The following CACNA1A variants were observed in gnomAD, a reference collection of about 807,000 sequenced individuals.
CACNA1A encodes the protein voltage-dependent P/Q-type calcium channel subunit alpha-1A.
CACNA1A carries 57 observed loss-of-function variants against 262.4 expected under a neutral mutation model. The ratio of observed to expected loss-of-function variants is 0.22; its 90% confidence interval spans 0.18 to 0.27. CACNA1A has a LOEUF of 0.27. Among genes scored for constraint, CACNA1A ranks in the 10% least tolerant of loss-of-function variants. CACNA1A has a pLI of 1.00. For synonymous variants in CACNA1A, 1,431 were observed against 1,419.3 expected, an observed-to-expected ratio of 1.01 and a Z score of -0.18; for missense variants, 2,526 against 3,562.8, an observed-to-expected ratio of 0.71 and a Z score of 7.41.
At chr19:13,276,342 C>T (rs1290637870) in intron 23 of CACNA1A, among the ~76,000 whole-genome samples, 1 of 152,222 alleles carries the variant, frequency 6.6e-6, no homozygotes, top group African/African-American at 2.4e-5. Context: ...TCCCCGTCAT[C>T]GCCCATGGGG....
At chr19:13,230,691 C>T (rs1264133190) in intron 35 of CACNA1A, among the ~76,000 whole-genome samples, 1 of 151,964 alleles carries the variant, frequency 6.6e-6, no homozygotes, top group Admixed American at 6.6e-5. Flanking sequence ...CCTGTAATCC[C>T]AGCTACTTGG....
intron 1 of CACNA1A, among the ~76,000 whole-genome samples, chr19:13,466,501 T>C (rs1392300485): frequency 1.3e-5 from 2 of 151,910 alleles, no homozygotes; most frequent in African/African-American, 2.4e-5. Flanking sequence ...CCACCATACC[T>C]GGCTAATTTT....
Position 13,456,410 on chromosome 19 carries a change from C to T in CACNA1A, c.294-1198G>A, listed in dbSNP as rs1025292617. Among the ~76,000 whole-genome samples the T allele has an allele frequency of 6.6e-5, 10 of 152,064 alleles. No homozygotes were observed. In the East Asian group the frequency reaches 1.5e-3, roughly 23 times the overall value. ...ATTTACGGCCAGGTGTGGTGGCTCA[C>T]GCCTGTAATCCCAGAACTTTGGGAG... is the stretch of plus-strand genomic sequence containing the variant. On this transcript the variant is annotated intron_variant, in intron 1 of 46. Transcript: ENST00000360228.
intron 31 of CACNA1A, among the ~76,000 whole-genome samples, chr19:13,239,179 GC>G (rs946546694): frequency 1.1e-4 from 17 of 152,068 alleles, no homozygotes; most frequent in African/African-American, 3.4e-4. Flanking sequence ...CCACAATATA[GC>G]CCCGCCCTCC....
At chr19:13,285,516 C>T (rs2144882078) in intron 20 of CACNA1A, among the ~76,000 whole-genome samples, 1 of 152,232 alleles carries the variant, frequency 6.6e-6, no homozygotes, top group Middle Eastern at 3.4e-3. Context: ...CTGCTCTCAA[C>T]CACTCTATAG....
At chr19:13,245,356 G>T in intron 30 of CACNA1A, 91 bp from the exon 31 acceptor site, 1 of 955,438 alleles carries the variant, frequency 1.0e-6, no homozygotes, top group Non-Finnish European at 1.7e-6. Context: ...AGGCACAGTT[G>T]CCCATCAGCG....
rs2054937281 is a variant in CACNA1A at position 13,214,767 on chromosome 19, G to A, written c.5732-159C>T. 1 of 631,066 alleles carries A rather than the reference G, an allele frequency of 1.6e-6. No individual in the cohort carries two copies. Among genetic ancestry groups the A allele is most frequent in the Non-Finnish European group, 2.8e-6 (1 of 355,750 alleles). 39.1% of individuals were successfully genotyped at this position (631,066 alleles called of 1,614,324 possible). Reference sequence around the variant, plus strand: ...ACGGCCTGGCCCAGAGGAGGCCCTGGGCAGTGCTGCTGGAATGACCTTGTG... The same window carrying A: ...ACGGCCTGGCCCAGAGGAGGCCCTGAGCAGTGCTGCTGGAATGACCTTGTG... On this transcript the variant is annotated intron_variant, in intron 38 of 46. Coordinates refer to ENST00000360228, the MANE Select transcript of CACNA1A (RefSeq NM_001127222.2). This position sits in a 1 kb window ranked among gnomAD's most constrained non-coding sequence, Gnocchi z 4.1.
intron 19 of CACNA1A, among the ~76,000 whole-genome samples, chr19:13,290,443 A>G (rs528773500): frequency 4.7e-4 from 71 of 151,750 alleles, no homozygotes; most frequent in Non-Finnish European, 7.5e-4. Context: ...TTTAAGAGAC[A>G]GGGTCTTGCT....
At chr19:13,479,906 T>G (rs983487181) in intron 1 of CACNA1A, among the ~76,000 whole-genome samples, 5 of 152,264 alleles carry the variant, frequency 3.3e-5, no homozygotes, top group Admixed American at 2.6e-4. Context: ...ATGGCTTGTT[T>G]GTGTAAACAA....
intron 44 of CACNA1A, among the ~76,000 whole-genome samples, chr19:13,209,735 G>T (rs1237515985): frequency 6.6e-6 from 1 of 152,188 alleles, no homozygotes; most frequent in Non-Finnish European, 1.5e-5. Context: ...TCAGAGACAG[G>T]ACTGCTCCTT....
chr19:13,327,704 C>T (rs185985494), intron 10 of CACNA1A, among the ~76,000 whole-genome samples: 1 of 151,488 alleles, frequency 6.6e-6, no homozygotes, highest in East Asian at 2.0e-4. Context: ...TCCTGAGTAG[C>T]TGGGATTACA....
At chr19:13,325,023 G>A (rs890703693) in intron 10 of CACNA1A, among the ~76,000 whole-genome samples, 4 of 130,032 alleles carry the variant, frequency 3.1e-5, no homozygotes, top group South Asian at 5.3e-4. Flanking sequence ...CTTCTTCTTC[G>A]TCTTCTTCTT....
intron 3 of CACNA1A, among the ~76,000 whole-genome samples, chr19:13,395,662 C>T (rs1205888986): frequency 5.9e-5 from 9 of 152,126 alleles, no homozygotes; most frequent in East Asian, 1.9e-4. Context: ...GTTATTTGAC[C>T]GTAGGTTATA....
intron 5 of CACNA1A, chr19:13,363,079 G>A (rs2059139341): frequency 6.6e-6 from 1 of 152,080 alleles, no homozygotes; most frequent in South Asian, 2.1e-4. Flanking sequence ...TTTTAATCGT[G>A]AGCTAGCTTT....
chr19:13,414,150 GA>G (rs2060181349), intron 3 of CACNA1A, among the ~76,000 whole-genome samples: 1 of 151,834 alleles, frequency 6.6e-6, no homozygotes, highest in Non-Finnish European at 1.5e-5. Context: ...TTGAGCCAAG[GA>G]AAAAATTGAA....
At chr19:13,224,486 CAAAAA>C (rs71168691) in intron 38 of CACNA1A, among the ~76,000 whole-genome samples, 176 bp downstream of exon 38, 4 of 113,324 alleles carry the variant, frequency 3.5e-5, no homozygotes, top group Admixed American at 9.1e-5. Flanking sequence ...GACTCTGTCT[CAAAAA>C]AAAAAAAAAA....
chr19:13,381,081 C>T (rs1033525262), intron 3 of CACNA1A, among the ~76,000 whole-genome samples: 2 of 152,066 alleles, frequency 1.3e-5, no homozygotes, highest in African/African-American at 2.4e-5. Context: ...CAGCCTGAAG[C>T]ATTCTAAGAA....
rs2057218744 is a variant in CACNA1A, at chr19:13,278,943, T to A, written c.3823-1815A>T. 2.6e-5 allele frequency among the ~76,000 whole-genome samples: 4 copies of A among 151,630 alleles called. 1 individual carries two copies. The highest frequency in any genetic ancestry group is 2.6e-4 in the Admixed American group (4 of 15,216). The stretch of plus-strand genomic sequence containing the variant: ...GAAAGACCTGGGTGGGCAGAGGGGA[T>A]GGTGGTGGGAGAGTATTTCAGGTGC... On this transcript the variant is annotated intron_variant, in intron 22 of 46. Transcript: ENST00000360228.
At chr19:13,227,903 CTTTTTTT>C (rs34218031) in intron 36 of CACNA1A, among the ~76,000 whole-genome samples, 10 of 74,260 alleles carry the variant, frequency 1.3e-4, no homozygotes, top group Non-Finnish European at 2.0e-4. Flanking sequence ...TGTTCATTGC[CTTTTTTT>C]TTTTTTTTTT....
Sources: allele counts gnomAD v4.1 joint callset (sites outside exome capture counted in the v4.1 genomes callset), GRCh38; gene constraint gnomAD v4.1.1; non-coding constraint Gnocchi (gnomAD v3.1); transcripts MANE v1.5; gene names NCBI Gene and HGNC (gene_info 2026-07-23, HGNC 2026-07-21).